A3GALT2: variants seen among roughly 807,000 people sequenced by gnomAD.
A3GALT2 encodes the protein alpha 1,3-galactosyltransferase 2, also known as alpha-1,3-galactosyltransferase 2.
A neutral mutation model predicts 16.6 loss-of-function variants in A3GALT2; 14 were observed. The ratio of observed to expected loss-of-function variants is 0.84; its 90% confidence interval spans 0.56 to 1.32. The LOEUF (loss-of-function observed/expected upper bound fraction) is 1.32. Ranked by LOEUF, A3GALT2 falls within the 40% of genes most tolerant of loss-of-function variation. The pLI is 0.00. For synonymous variants in A3GALT2, 253 were observed against 218.0 expected (o/e 1.16, Z -1.42); for missense variants, 600 against 490.9 (o/e 1.22, Z -2.10).
chr1:33,312,330 C>T, intron 3 of A3GALT2, 141 bp from the exon 4 acceptor site: 1 of 1,367,120 alleles, frequency 7.3e-7, no homozygotes, highest in Admixed American at 2.4e-5. Flanking sequence ...AAGCCTCCAG[C>T]TCAGAGCAAC....
In A3GALT2 at chr1:33,317,619, A is replaced by G. The variant is rs569308759; in HGVS notation, c.23+3457T>C. Among the ~76,000 whole-genome samples, 23 of 152,320 alleles carry G rather than the reference A, an allele frequency of 1.5e-4. No individual in the cohort carries two copies. The South Asian group carries it at 3.1e-3, about 21-fold the overall frequency. ...AGCTAGGAATGGAGACTCTGCAGTG[A>G]CTAGTCCCAGGATGTTCCCATAGCC... On this transcript the variant is annotated intron_variant, in intron 1 of 4. Coordinates refer to ENST00000442999, the MANE Select transcript of A3GALT2 (RefSeq NM_001080438.1).
chr1:33,310,631 G>A (rs1646229155), intron 4 of A3GALT2, among the ~76,000 whole-genome samples: 1 of 152,216 alleles, frequency 6.6e-6, no homozygotes, highest in Admixed American at 6.5e-5. Flanking sequence ...GTTGAGCCAG[G>A]ATTTGAACCC....
At chr1:33,311,902 G>T in intron 4 of A3GALT2, 150 bp downstream of exon 4, 1 of 1,159,554 alleles carries the variant, frequency 8.6e-7, no homozygotes. Context: ...GTGCTCATCT[G>T]GGGGTGTGGG....
intron 4 of A3GALT2, among the ~76,000 whole-genome samples, chr1:33,308,753 T>TTG (rs1557806815): frequency 1.3e-5 from 1 of 77,136 alleles, no homozygotes; most frequent in African/African-American, 7.4e-5. Flanking sequence ...CAAAGTTGTT[T>TTG]TTTTTTTTTT....
intron 1 of A3GALT2, chr1:33,314,787 T>C (rs529400644): frequency 5.3e-5 from 8 of 152,262 alleles, no homozygotes; most frequent in African/African-American, 1.7e-4. Context: ...TCATAACAAG[T>C]CAGCCTGCCT....
intron 4 of A3GALT2, among the ~76,000 whole-genome samples, chr1:33,309,111 A>T (rs1469363396): frequency 6.6e-6 from 1 of 152,036 alleles, no homozygotes; most frequent in East Asian, 1.9e-4. Flanking sequence ...ACAGCATCCC[A>T]AGGCAGAAGA....
Position 33,307,240 on chromosome 1 carries a change from C to A in A3GALT2, c.549G>T (p.Ala183=), listed in dbSNP as rs1466496651. 1.0e-5 allele frequency: 15 copies of A among 1,483,422 alleles called. No homozygotes were observed. The highest frequency in any genetic ancestry group is 1.3e-5 in the Non-Finnish European group (15 of 1,118,038). The allele number at this position is 1,483,422 out of a possible 1,614,324, so 91.9% of individuals were successfully genotyped here. A position where few individuals can be genotyped will look rare whatever the true frequency, so the allele number is the denominator to read the frequency against. ...CCTCGCGGCCCGGCAGCCCGCCCAG[C>A]GCCGCGTGCAACGTGCGCATGCGCG... ...SMARMRTLHA[A]LGGLPGREAH... The change falls in exon 5 of 5, where the codon GCG becomes GCT. Residue 183 remains alanine (A), a synonymous_variant. Coordinates refer to ENST00000442999, the MANE Select transcript of A3GALT2 (RefSeq NM_001080438.1).
rs2148160414 is a variant in A3GALT2, at chr1:33,312,550, C to T, written c.148G>A (p.Ala50Thr). The change falls in exon 3 of 5, where the codon GCC becomes ACC. Residue 50 changes from alanine to threonine, a missense_variant. Coordinates refer to ENST00000442999, the MANE Select transcript of A3GALT2 (RefSeq NM_001080438.1). ...TTGTCTCTCAGCTGGGACATTGTGG[C>T]CGAAGGGCAGACGCCCATGGGGATG... Reference protein sequence around the residue: ...ALIPMGVCPSATMSQLRDNFT... With the variant: ...ALIPMGVCPSTTMSQLRDNFT... The T allele has an allele frequency of 6.2e-7, 1 of 1,602,760 alleles. No homozygotes were observed. The highest frequency in any genetic ancestry group is 8.5e-7 in the Non-Finnish European group (1 of 1,173,934).
At chr1:33,313,015 G>C (rs1467413671) in intron 1 of A3GALT2, 125 bp from the exon 2 acceptor site, 1 of 770,846 alleles carries the variant, frequency 1.3e-6, no homozygotes, top group African/African-American at 1.7e-5. Flanking sequence ...AAGGTAGCCA[G>C]TGTTACCAGT....
At chr1:33,307,501 C>T (rs779756791) in intron 4 of A3GALT2, 48 bp from the exon 5 acceptor site, 7 of 1,410,502 alleles carry the variant, frequency 5.0e-6, no homozygotes, top group Non-Finnish European at 5.5e-6. Flanking sequence ...CGAGGCGGGC[C>T]CGGCCTCCCC....
Position 33,320,206 on chromosome 1 carries a change from G to A in A3GALT2, c.23+870C>T, listed in dbSNP as rs539960131. Among the ~76,000 whole-genome samples the A allele has an allele frequency of 2.5e-4, 38 of 152,106 alleles. No homozygotes were observed. The highest frequency in any genetic ancestry group is 5.3e-4 in the Non-Finnish European group (36 of 68,012). The stretch of plus-strand genomic sequence containing the variant: ...GTTCCTAGAAGCCTGGTCAAACCCC[G>A]TACTGGGAGCTGGCAAGGCTGCCTC... On this transcript the variant is annotated intron_variant, in intron 1 of 4. Transcript: ENST00000442999. This position sits in a 1 kb window ranked among gnomAD's most constrained non-coding sequence, Gnocchi z 4.3.
chr1:33,307,550 C>A (rs1325299771), intron 4 of A3GALT2, 97 bp from the exon 5 acceptor site: 3 of 991,394 alleles, frequency 3.0e-6, no homozygotes, highest in Non-Finnish European at 3.9e-6. Flanking sequence ...CCCTCACCCC[C>A]ACTCCCACCC....
chr1:33,306,781 C>T lies in A3GALT2; in HGVS notation c.1008G>A (p.Arg336=). The change falls in exon 5 of 5, where the codon CGG becomes CGA. Residue 336 remains arginine (R), a synonymous_variant. Coordinates refer to ENST00000442999, the MANE Select transcript of A3GALT2 (RefSeq NM_001080438.1). ...PRLLWAPKGY[R]LLRN The stretch of plus-strand genomic sequence containing the variant: ...GGCGGCGGCGCTAGTTCCGCAGCAG[C>T]CGGTACCCCTTGGGCGCCCACAGCA... 7.1e-7 allele frequency: 1 copy of T among 1,409,094 alleles called. No individual in the cohort carries two copies. Among genetic ancestry groups the T allele is most frequent in the Non-Finnish European group, 9.2e-7 (1 of 1,090,830 alleles). 87.3% of individuals were successfully genotyped at this position (1,409,094 alleles called of 1,614,324 possible). A position where few individuals can be genotyped will look rare whatever the true frequency, so the allele number is the denominator to read the frequency against.
rs1453626376 is a variant in A3GALT2 at position 33,320,256 on chromosome 1, C to T, written c.23+820G>A. Among the ~76,000 whole-genome samples, 4 of 151,984 alleles carry T rather than the reference C, an allele frequency of 2.6e-5. No individual in the cohort carries two copies. The highest frequency in any genetic ancestry group is 5.9e-5 in the Non-Finnish European group (4 of 68,028). ...CGGGAGGTGCACTGTGGGAGGTGTG[C>T]GAGGTACTGCGTAAGGTACTACAGG... On this transcript the variant is annotated intron_variant, in intron 1 of 4. Coordinates refer to ENST00000442999, the MANE Select transcript of A3GALT2 (RefSeq NM_001080438.1). This position sits in a 1 kb window ranked among gnomAD's most constrained non-coding sequence, Gnocchi z 4.3.
At chr1:33,311,103 A>G (rs555587003) in intron 4 of A3GALT2, among the ~76,000 whole-genome samples, 1 of 152,252 alleles carries the variant, frequency 6.6e-6, no homozygotes, top group East Asian at 1.9e-4. Context: ...TTCCCAAAGC[A>G]ACTAGTTCCA....
intron 4 of A3GALT2, among the ~76,000 whole-genome samples, chr1:33,309,436 G>A (rs1383401667): frequency 2.0e-5 from 3 of 150,758 alleles, no homozygotes; most frequent in East Asian, 2.0e-4. Context: ...CTGGCCAGGC[G>A]GGGGCTGTCC....
At chr1:33,312,982 C>T in intron 1 of A3GALT2, 92 bp from the exon 2 acceptor site, 8 of 1,066,630 alleles carry the variant, frequency 7.5e-6, no homozygotes, top group Middle Eastern at 2.5e-4. Context: ...TTCTTACTTC[C>T]AGCCAGCTGG....
Position 33,306,886 on chromosome 1 carries a change from G to A in A3GALT2, c.903C>T (p.His301=). The A allele has an allele frequency of 6.6e-7, 1 of 1,521,956 alleles. No homozygotes were observed. The allele number at this position is 1,521,956 out of a possible 1,614,324, so 94.3% of individuals were successfully genotyped here. ...ESHLNKFFWL[H]KPAKVLSPEF... ...CGGGCGACAGCACCTTGGCGGGCTTGTGCAGCCAGAAGAACTTGTTGAGGT... is the reference window on the plus strand; with the variant it reads ...CGGGCGACAGCACCTTGGCGGGCTTATGCAGCCAGAAGAACTTGTTGAGGT... Residue 301 remains histidine, a synonymous_variant, in exon 5 of 5, where the codon CAC becomes CAT. Coordinates refer to ENST00000442999, the MANE Select transcript of A3GALT2 (RefSeq NM_001080438.1).
chr1:33,318,521 C>T (rs1646271296), intron 1 of A3GALT2, among the ~76,000 whole-genome samples: 1 of 152,166 alleles, frequency 6.6e-6, no homozygotes, highest in Non-Finnish European at 1.5e-5. Context: ...AAACTCCCCT[C>T]CTGGCCTCCC....
Sources: gnomAD v4.1 joint callset for allele counts (sites outside exome capture counted in the v4.1 genomes callset) on GRCh38, gnomAD v4.1.1 for gene constraint, Gnocchi (gnomAD v3.1) non-coding constraint, MANE v1.5 for transcripts, NCBI Gene and HGNC (gene_info 2026-07-23, HGNC 2026-07-21) for gene names.